CASK: variants seen among roughly 807,000 people sequenced by gnomAD.
The protein encoded by CASK is calcium/calmodulin dependent serine protein kinase, also known as peripheral plasma membrane protein CASK.
CASK carries 4 observed loss-of-function variants against 82.9 expected under a neutral mutation model. The observed-to-expected ratio is 0.05, with a 90% CI of 0.02 to 0.11. The LOEUF (loss-of-function observed/expected upper bound fraction) is 0.11, where lower values mean the gene tolerates loss of function less well. CASK is among the 10% of genes least tolerant of loss of function. CASK has a pLI of 1.00. For missense variants in CASK, 358 were observed against 720.9 expected (o/e 0.50, Z 5.76); for synonymous variants, 259 against 253.5 (o/e 1.02, Z -0.20).
intron 1 of CASK, among the ~76,000 whole-genome samples, chrX:41,893,742 G>A (rs771991972): frequency 8.9e-6 from 1 of 112,083 alleles, no homozygotes; most frequent in Non-Finnish European, 1.9e-5. Flanking sequence ...GATGACCAAG[G>A]GGAAAACCCT....
In CASK at chrX:41,906,951, C is replaced by T. The variant is rs746846958; in HGVS notation, c.59+15979G>A. 3.5e-5 allele frequency among the ~76,000 whole-genome samples: 4 copies of T among 112,935 alleles called. No homozygotes were observed. In the South Asian group the frequency reaches 1.1e-3, roughly 31 times the overall value. On this transcript the variant is annotated intron_variant, in intron 1 of 26. Transcript: ENST00000378163. ...TTTCCAGTAGATAGGTTGCCTTTGG[C>T]GACAGACCTAAGTAACCACATTCTG... is the stretch of plus-strand genomic sequence containing the variant.
chrX:41,815,074 T>C (rs1268265436), intron 2 of CASK, among the ~76,000 whole-genome samples: 2 of 109,901 alleles, frequency 1.8e-5, no homozygotes, highest in Non-Finnish European at 3.8e-5. Context: ...ATGAGGGAGA[T>C]GGAATGTTCA....
At chrX:41,559,519 G>T in intron 18 of CASK, 1 of 372,135 alleles carries the variant, frequency 2.7e-6, no homozygotes, top group Non-Finnish European at 4.7e-6. Context: ...TAAGCCTTAT[G>T]TCATCATTTG....
At chrX:41,912,923 T>C (rs1345322711) in intron 1 of CASK, among the ~76,000 whole-genome samples, 1 of 108,543 alleles carries the variant, frequency 9.2e-6, no homozygotes, top group African/African-American at 3.3e-5. Context: ...CCTACCTGTA[T>C]TCCTCTACTC....
chrX:41,682,853 G>A (rs938971403), intron 5 of CASK, among the ~76,000 whole-genome samples: 1 of 110,601 alleles, frequency 9.0e-6, no homozygotes, highest in Non-Finnish European at 1.9e-5. Context: ...GACCTCAAGT[G>A]AGGCAGATAG....
chrX:41,603,426 G>A (rs1362323975), intron 12 of CASK, among the ~76,000 whole-genome samples: 2 of 111,675 alleles, frequency 1.8e-5, no homozygotes, highest in African/African-American at 6.5e-5. Flanking sequence ...GCTAACTCCA[G>A]GCCAGATGGA....
intron 3 of CASK, among the ~76,000 whole-genome samples, chrX:41,764,138 G>A (rs1013058695): frequency 8.9e-6 from 1 of 111,773 alleles, no homozygotes. Context: ...GAAGAATACA[G>A]GAATCTAGTA....
At chrX:41,716,055 A>C (rs1300167873) in intron 5 of CASK, among the ~76,000 whole-genome samples, 1 of 112,299 alleles carries the variant, frequency 8.9e-6, no homozygotes, top group Non-Finnish European at 1.9e-5. Flanking sequence ...ACATATTTGG[A>C]GAGCTGAACA....
chrX:41,545,396 T>A, intron 21 of CASK, among the ~76,000 whole-genome samples: 1 of 112,164 alleles, frequency 8.9e-6, no homozygotes, highest in Non-Finnish European at 1.9e-5. Flanking sequence ...GGATACCCAA[T>A]TGTCCTACAT....
At chrX:41,848,535 C>A (rs1479426268) in intron 2 of CASK, among the ~76,000 whole-genome samples, 1 of 111,949 alleles carries the variant, frequency 8.9e-6, no homozygotes, top group East Asian at 2.8e-4. Flanking sequence ...TTTCCTGAAG[C>A]CCTCACCAGA....
At chrX:41,701,893 T>C (rs2067799399) in intron 5 of CASK, among the ~76,000 whole-genome samples, 1 of 112,448 alleles carries the variant, frequency 8.9e-6, no homozygotes, top group African/African-American at 3.2e-5. Flanking sequence ...GTATTTTACA[T>C]ATGTAGGGAT....
chrX:41,854,224 G>GCACACA (rs4007745), intron 1 of CASK, among the ~76,000 whole-genome samples: 1,642 of 81,577 alleles, frequency 0.02, 26 homozygotes, highest in African/African-American at 0.041. Flanking sequence ...GCGGGCGCGC[G>GCACACA]CACACACACA....
intron 15 of CASK, among the ~76,000 whole-genome samples, chrX:41,570,048 G>T (rs190582788): frequency 1.1e-5 from 1 of 91,982 alleles, no homozygotes. Context: ...TGTCACCCAG[G>T]CTGGAGTGCA....
intron 5 of CASK, among the ~76,000 whole-genome samples, chrX:41,720,634 A>G (rs2068147816): frequency 9.0e-6 from 1 of 111,591 alleles, no homozygotes; most frequent in South Asian, 3.7e-4. Flanking sequence ...ACTAGTTTGG[A>G]TAGCCTAAAA....
intron 4 of CASK, among the ~76,000 whole-genome samples, chrX:41,744,473 G>C (rs2068652836): frequency 9.1e-6 from 1 of 110,083 alleles, no homozygotes; most frequent in Non-Finnish European, 1.9e-5. Context: ...AGCCTCCCGA[G>C]TAGCTGGGAC....
intron 15 of CASK, among the ~76,000 whole-genome samples, chrX:41,570,010 C>CTTTTT (rs397937722): frequency 9.9e-5 from 7 of 70,622 alleles, no homozygotes; most frequent in African/African-American, 2.1e-4. Flanking sequence ...TTTCTTTTTT[C>CTTTTT]TTTTTTTTTT....
intron 12 of CASK, 34 bp downstream of exon 12, chrX:41,609,870 C>G: frequency 8.3e-7 from 1 of 1,203,707 alleles, no homozygotes; most frequent in Non-Finnish European, 1.1e-6. Context: ...ATTCAATTCA[C>G]CAAAAAAGAA....
At chrX:41,755,095 T>A (rs1216663337) in intron 3 of CASK, among the ~76,000 whole-genome samples, 2 of 110,584 alleles carry the variant, frequency 1.8e-5, no homozygotes, top group Admixed American at 9.7e-5. Context: ...GCCAGGATGG[T>A]CTTGATTTCT....
chrX:41,822,421 G>C (rs943765673), intron 2 of CASK, among the ~76,000 whole-genome samples: 1 of 108,963 alleles, frequency 9.2e-6, no homozygotes, highest in African/African-American at 3.3e-5. Flanking sequence ...AGCTGGGCGT[G>C]GTGGTGTGCA....
Sources: gnomAD v4.1 joint callset for allele counts (sites outside exome capture counted in the v4.1 genomes callset) on GRCh38, gnomAD v4.1.1 for gene constraint, MANE v1.5 for transcripts, NCBI Gene and HGNC (gene_info 2026-07-23, HGNC 2026-07-21) for gene names.